Variants in ADRA1B observed in about 807,000 individuals in gnomAD.
ADRA1B encodes the protein alpha-1B adrenergic receptor.
ADRA1B carries 17 observed loss-of-function variants against 17.9 expected under a neutral mutation model. The observed-to-expected ratio is 0.95, with a 90% confidence interval of 0.65 to 1.42. The LOEUF (loss-of-function observed/expected upper bound fraction) is 1.42, where lower values mean the gene tolerates loss of function less well. Ranked by LOEUF, ADRA1B falls within the 40% of genes most tolerant of loss-of-function variation. ADRA1B has a pLI of 0.00. For synonymous variants in ADRA1B, 366 were observed against 327.6 expected, an observed-to-expected ratio of 1.12 and a Z score of -1.27; for missense variants, 681 against 722.1, an observed-to-expected ratio of 0.94 and a Z score of 0.65.
chr5:159,954,436 A>G (rs1399229803), intron 1 of ADRA1B, among the ~76,000 whole-genome samples: 2 of 152,146 alleles, frequency 1.3e-5, no homozygotes, highest in Non-Finnish European at 2.9e-5. Context: ...CTCGTGACCT[A>G]ATTACCTCCC....
chr5:159,964,480 C>A (rs1755736594), intron 1 of ADRA1B, among the ~76,000 whole-genome samples: 1 of 152,164 alleles, frequency 6.6e-6, no homozygotes, highest in African/African-American at 2.4e-5. Context: ...AGAAAGCTTC[C>A]TTCAAAAGAA....
chr5:159,915,801 T>A (rs74440770), upstream of ADRA1B, among the ~76,000 whole-genome samples: 1 of 152,134 alleles, frequency 6.6e-6, no homozygotes, highest in Non-Finnish European at 1.5e-5. Context: ...ACACACCTCA[T>A]CATTTGCTTA....
chr5:159,925,742 C>T (rs1386775209), intron 1 of ADRA1B, among the ~76,000 whole-genome samples: 1 of 152,222 alleles, frequency 6.6e-6, no homozygotes, highest in East Asian at 1.9e-4. Context: ...CAAAATCTGT[C>T]TTAACTCAAC....
chr5:159,941,270 A>G (rs1755118472), intron 1 of ADRA1B, among the ~76,000 whole-genome samples: 1 of 152,232 alleles, frequency 6.6e-6, no homozygotes, highest in Non-Finnish European at 1.5e-5. Context: ...GACTGCACAG[A>G]TTTAGAACGT....
chr5:159,910,404 G>T (rs1754216182), intron 1 of ADRA1B, among the ~76,000 whole-genome samples: 1 of 152,204 alleles, frequency 6.6e-6, no homozygotes, highest in Admixed American at 6.5e-5. Flanking sequence ...GGTGGCAAAA[G>T]CAAGTTGTGG....
At chr5:159,876,273 A>G (rs536819501) in intron 1 of ADRA1B, among the ~76,000 whole-genome samples, 1 of 152,348 alleles carries the variant, frequency 6.6e-6, no homozygotes, top group South Asian at 2.1e-4. Context: ...ATTGTGGCTC[A>G]ACAATGTCAA....
chr5:159,869,140 C>G (rs1379986433), intron 1 of ADRA1B: 1 of 152,208 alleles, frequency 6.6e-6, no homozygotes, highest in Non-Finnish European at 1.5e-5. Flanking sequence ...ATTATTACCA[C>G]TATGAAAGCA....
chr5:159,962,319 A>G (rs1229739201), intron 1 of ADRA1B, among the ~76,000 whole-genome samples: 1 of 152,226 alleles, frequency 6.6e-6, no homozygotes, highest in African/African-American at 2.4e-5. Flanking sequence ...GGGGCTTAAT[A>G]ACAAAAGATT....
chr5:159,972,425 C>A lies in ADRA1B; in HGVS notation c.1496C>A (p.Ala499Glu). Residue 499 changes from alanine to glutamate, a missense_variant, in exon 2 of 2, where the codon GCG becomes GAG. Ala to Glu is a moderately radical substitution (Grantham distance 107, BLOSUM62 -1). This residue lies in a region of ADRA1B where 251 missense variants were observed against 224.9 expected (regional missense o/e 1.12). Coordinates refer to ENST00000306675, the MANE Select transcript of ADRA1B (RefSeq NM_000679.4). ...GCCAGCAACGGAGGCTGCGAGGCCG[C>A]GGCCGACGTGGCCAACGGGCAGCCG... ...GGASNGGCEAAADVANGQPGF... is the reference protein window; with the variant it reads ...GGASNGGCEAEADVANGQPGF... The A allele has an allele frequency of 6.6e-7, 1 of 1,507,950 alleles. No individual in the cohort carries two copies. Among genetic ancestry groups the A allele is most frequent in the Non-Finnish European group, 8.8e-7 (1 of 1,134,364 alleles). The allele number at this position is 1,507,950 out of a possible 1,614,324, so 93.4% of individuals were successfully genotyped here.
chr5:159,988,720 G>T, the ADRA1B span, among the ~76,000 whole-genome samples: 2 of 152,206 alleles, frequency 1.3e-5, no homozygotes, highest in African/African-American at 4.8e-5. Context: ...GTGCATGCCT[G>T]CAATCCCAAC....
chr5:159,899,230 A>G (rs10072006), intron 1 of ADRA1B, among the ~76,000 whole-genome samples: 1 of 135,348 alleles, frequency 7.4e-6, no homozygotes, highest in African/African-American at 2.9e-5. Context: ...AAGGAAGGGA[A>G]GGAGGGAGGG....
chr5:159,887,613 G>A (rs575655734), intron 1 of ADRA1B, among the ~76,000 whole-genome samples: 11 of 152,292 alleles, frequency 7.2e-5, no homozygotes, highest in South Asian at 2.1e-4. Flanking sequence ...TTAGACTACC[G>A]TTTGAGCAAT....
intron 1 of ADRA1B, among the ~76,000 whole-genome samples, chr5:159,943,920 A>T (rs937070781): frequency 6.6e-5 from 10 of 150,502 alleles, no homozygotes; most frequent in African/African-American, 1.2e-4. Flanking sequence ...TCTCACACAC[A>T]CACACACACA....
chr5:159,867,847 A>C (rs548973065), intron 1 of ADRA1B: 1 of 152,300 alleles, frequency 6.6e-6, no homozygotes, highest in South Asian at 2.1e-4. Flanking sequence ...TCCAATTGCC[A>C]GCTTATCTAC....
chr5:159,889,588 A>G (rs1753960667), intron 1 of ADRA1B, among the ~76,000 whole-genome samples: 1 of 152,174 alleles, frequency 6.6e-6, no homozygotes, highest in Admixed American at 6.5e-5. Flanking sequence ...GAGAGGTTCC[A>G]TCCTGATGGC....
intron 1 of ADRA1B, among the ~76,000 whole-genome samples, chr5:159,967,888 C>A (rs1755803684): frequency 6.6e-6 from 1 of 152,168 alleles, no homozygotes; most frequent in Admixed American, 6.5e-5. Flanking sequence ...AAAATCTAGC[C>A]CATCATTGTC....
upstream of ADRA1B, among the ~76,000 whole-genome samples, chr5:159,915,812 T>G (rs1490426351): frequency 6.6e-6 from 1 of 152,222 alleles, no homozygotes; most frequent in Non-Finnish European, 1.5e-5. Context: ...CATTTGCTTA[T>G]TTAGTATACT....
At chr5:159,867,734 A>G (rs1753676872) in intron 1 of ADRA1B, 2 of 152,184 alleles carry the variant, frequency 1.3e-5, no homozygotes, top group Admixed American at 1.3e-4. Flanking sequence ...TTTACTTTCC[A>G]TTATTTCCTT....
chr5:159,899,132 G>A (rs1399094660), intron 1 of ADRA1B, among the ~76,000 whole-genome samples: 2 of 150,916 alleles, frequency 1.3e-5, no homozygotes, highest in Admixed American at 6.6e-5. Context: ...GGGTGACAAA[G>A]TGAGACCCTG....
Sources: allele counts gnomAD v4.1 joint callset (sites outside exome capture counted in the v4.1 genomes callset), GRCh38; gene constraint gnomAD v4.1.1; regional missense constraint gnomAD v4.1.1; transcripts MANE v1.5; gene names NCBI Gene and HGNC (gene_info 2026-07-23, HGNC 2026-07-21).